The following OSBPL6 variants were observed in gnomAD, a reference collection of about 807,000 sequenced individuals.
The protein encoded by OSBPL6 is oxysterol-binding protein-related protein 6.
Under a neutral mutation model 125.8 loss-of-function variants are expected in OSBPL6, and 49 were observed. The ratio of observed to expected loss-of-function variants is 0.39; its 90% CI spans 0.31 to 0.49. OSBPL6 has a LOEUF of 0.49. Ranked by LOEUF, OSBPL6 falls within the 20% of genes least tolerant of loss-of-function variation. The pLI, the probability that OSBPL6 is intolerant of heterozygous loss-of-function variation, is 0.88. For missense variants in OSBPL6, 986 were observed against 1,135.4 expected, an observed-to-expected ratio of 0.87 and a Z score of 1.89; for synonymous variants, 394 against 391.8, an observed-to-expected ratio of 1.01 and a Z score of -0.07.
chr2:178,314,020 C>T (rs1053031954), intron 3 of OSBPL6, among the ~76,000 whole-genome samples: 2 of 152,190 alleles, frequency 1.3e-5, no homozygotes, highest in African/African-American at 4.8e-5. Context: ...TCTTGTTGAA[C>T]AAACAGGCTA....
intron 8 of OSBPL6, among the ~76,000 whole-genome samples, chr2:178,335,705 T>G (rs968710327): frequency 1.3e-5 from 2 of 152,236 alleles, no homozygotes; most frequent in Non-Finnish European, 2.9e-5. Flanking sequence ...CCTTAGTATC[T>G]ATATACTTAA....
At chr2:178,290,029 C>A (rs939651099) in intron 2 of OSBPL6, among the ~76,000 whole-genome samples, 1 of 152,144 alleles carries the variant, frequency 6.6e-6, no homozygotes. Flanking sequence ...ATCCTGATCC[C>A]CCTGTTCTAA....
At chr2:178,220,495 A>G (rs138064448) in intron 1 of OSBPL6, among the ~76,000 whole-genome samples, 206 of 152,190 alleles carry the variant, frequency 1.4e-3, no homozygotes, top group African/African-American at 4.4e-3. Flanking sequence ...TTGTAGACAC[A>G]GAGTCTCGCC....
chr2:178,273,682 AC>A (rs2092414908), intron 1 of OSBPL6, among the ~76,000 whole-genome samples: 1 of 152,242 alleles, frequency 6.6e-6, no homozygotes, highest in Non-Finnish European at 1.5e-5. Flanking sequence ...TTGTTGGGGA[AC>A]AAATACTACT....
chr2:178,395,402 G>A, intron 24 of OSBPL6, 49 bp from the exon 25 acceptor site: 1 of 1,385,330 alleles, frequency 7.2e-7, no homozygotes, highest in Non-Finnish European at 1.0e-6. Context: ...CCTATTTAAG[G>A]TTACCTTGAT....
chr2:178,205,741 G>C (rs2089493420), intron 1 of OSBPL6, among the ~76,000 whole-genome samples: 1 of 152,116 alleles, frequency 6.6e-6, no homozygotes, highest in African/African-American at 2.4e-5. Flanking sequence ...GTTACATGTA[G>C]TCACTTATTG....
chr2:178,332,994 A>G lies in OSBPL6; in HGVS notation c.610A>G (p.Thr204Ala), dbSNP rs1559257011. 3.1e-6 allele frequency: 5 copies of G among 1,614,218 alleles called. No individual in the cohort carries two copies. Among genetic ancestry groups the G allele is most frequent in the Non-Finnish European group, 4.2e-6 (5 of 1,180,034 alleles). The change falls in exon 8 of 25, where the codon ACA (threonine) becomes GCA (alanine). Residue 204 changes from threonine (T) to alanine (A), a missense_variant. Around this residue, in one of 3 missense-constraint regions of OSBPL6, gnomAD observed 843 missense variants for 997.3 expected, o/e 0.85. Transcript: ENST00000190611. Reference sequence around the variant, plus strand: ...TTTTCACATATTTCCTTCAACGTCCACAGCTGAATCCTCACCAGCTGCTAA... The same window carrying G: ...TTTTCACATATTTCCTTCAACGTCCGCAGCTGAATCCTCACCAGCTGCTAA... ...ASFHIFPSTS[T>A]AESSPAANVS...
intron 1 of OSBPL6, among the ~76,000 whole-genome samples, chr2:178,246,001 C>T (rs2091475167): frequency 1.3e-5 from 2 of 152,160 alleles, no homozygotes; most frequent in South Asian, 2.1e-4. Context: ...TGTAAAAGAC[C>T]CCGGAAGCTG....
At chr2:178,258,149 G>A (rs1444745756) in intron 1 of OSBPL6, among the ~76,000 whole-genome samples, 4 of 151,336 alleles carry the variant, frequency 2.6e-5, no homozygotes, top group African/African-American at 9.7e-5. Flanking sequence ...CACCCAGGCT[G>A]GAGTGCAGTG....
At chr2:178,276,967 G>A (rs2092482807) in intron 1 of OSBPL6, among the ~76,000 whole-genome samples, 1 of 152,116 alleles carries the variant, frequency 6.6e-6, no homozygotes, top group Non-Finnish European at 1.5e-5. Context: ...GGTTTTGCTG[G>A]AACACAGCCA....
chr2:178,211,100 T>C (rs952031705), intron 1 of OSBPL6, among the ~76,000 whole-genome samples: 1 of 152,054 alleles, frequency 6.6e-6, no homozygotes, highest in African/African-American at 2.4e-5. Flanking sequence ...AGCAAGACCC[T>C]GTCTCTAAAA....
intron 11 of OSBPL6, among the ~76,000 whole-genome samples, chr2:178,347,732 A>G (rs1186964730): frequency 6.6e-6 from 1 of 152,208 alleles, no homozygotes; most frequent in Non-Finnish European, 1.5e-5. Flanking sequence ...GAATAGCCAG[A>G]AATTTTCAGC....
chr2:178,324,479 G>A (rs1208650127), intron 4 of OSBPL6, among the ~76,000 whole-genome samples: 2 of 152,176 alleles, frequency 1.3e-5, no homozygotes, highest in African/African-American at 4.8e-5. Flanking sequence ...GGGATTTGTA[G>A]GGTTACATTC....
intron 2 of OSBPL6, among the ~76,000 whole-genome samples, chr2:178,294,073 T>C (rs915373783): frequency 6.6e-6 from 1 of 152,170 alleles, no homozygotes; most frequent in Non-Finnish European, 1.5e-5. Flanking sequence ...CATTTGAGTA[T>C]TTTATTCAAA....
At chr2:178,282,724 T>C (rs1273300652) in intron 1 of OSBPL6, among the ~76,000 whole-genome samples, 1 of 152,186 alleles carries the variant, frequency 6.6e-6, no homozygotes, top group Non-Finnish European at 1.5e-5. Flanking sequence ...TGATCTCAGC[T>C]CACTTCAATT....
intron 1 of OSBPL6, among the ~76,000 whole-genome samples, chr2:178,268,698 A>G (rs770931523): frequency 1.1e-4 from 16 of 150,910 alleles, no homozygotes; most frequent in Non-Finnish European, 2.4e-4. Flanking sequence ...TTCTTTTTTT[A>G]TTCTGTTTAT....
chr2:178,238,453 A>C (rs143285319), intron 1 of OSBPL6, among the ~76,000 whole-genome samples: 1 of 152,314 alleles, frequency 6.6e-6, no homozygotes, highest in African/African-American at 2.4e-5. Flanking sequence ...TGATCCCAAC[A>C]GTTCAGATAT....
At chr2:178,276,782 G>GTTT (rs60096710) in intron 1 of OSBPL6, among the ~76,000 whole-genome samples, 7 of 138,154 alleles carry the variant, frequency 5.1e-5, no homozygotes, top group South Asian at 2.3e-4. Flanking sequence ...CACTAGAAGA[G>GTTT]TTTTTTTTTT....
intron 1 of OSBPL6, among the ~76,000 whole-genome samples, chr2:178,210,823 A>AAAAAC (rs1457176072): frequency 6.9e-6 from 1 of 145,438 alleles, no homozygotes; most frequent in African/African-American, 2.6e-5. Flanking sequence ...AAAAAAAAAA[A>AAAAAC]ACACACACAC....
Sources: allele counts gnomAD v4.1 joint callset (sites outside exome capture counted in the v4.1 genomes callset), GRCh38; gene constraint gnomAD v4.1.1; regional missense constraint gnomAD v4.1.1; transcripts MANE v1.5; gene names NCBI Gene and HGNC (gene_info 2026-07-23, HGNC 2026-07-21).